FABP7: variants seen among roughly 807,000 people sequenced by gnomAD.
FABP7 encodes fatty acid-binding protein, brain.
A neutral mutation model predicts 14.2 loss-of-function variants in FABP7; 13 were observed. The observed-to-expected ratio is 0.91, with a 90% CI of 0.59 to 1.45. The LOEUF is 1.45. Among genes scored for constraint, FABP7 ranks in the 40% most tolerant of loss-of-function variants. The pLI, the probability that FABP7 is intolerant of heterozygous loss-of-function variation, is 0.00. For missense variants in FABP7, 149 were observed against 157.6 expected (o/e 0.95, Z 0.29); for synonymous variants, 49 against 51.4 (o/e 0.95, Z 0.20).
chr6:122,760,537 G>GTT, the FABP7 span, among the ~76,000 whole-genome samples: 14 of 146,012 alleles, frequency 9.6e-5, no homozygotes, highest in Non-Finnish European at 1.5e-4. Flanking sequence ...TCTGCTCTTT[G>GTT]TTTTTTTTTT....
upstream of FABP7, among the ~76,000 whole-genome samples, chr6:122,777,975 C>T (rs1382382645): frequency 6.6e-6 from 1 of 152,116 alleles, no homozygotes; most frequent in Non-Finnish European, 1.5e-5. Flanking sequence ...TGTAAGCCCT[C>T]AGCTTCAAGA....
chr6:122,783,171 C>T (rs1297523104), intron 3 of FABP7: 4 of 985,260 alleles, frequency 4.1e-6, no homozygotes, highest in Non-Finnish European at 4.8e-6. Flanking sequence ...AGCTGATGTT[C>T]CGCATCCTAT....
At chr6:122,759,740 C>T in the FABP7 span, among the ~76,000 whole-genome samples, 19 of 152,180 alleles carry the variant, frequency 1.2e-4, no homozygotes, top group African/African-American at 4.3e-4. Context: ...AGCATACATG[C>T]TCTAAATAAC....
chr6:122,772,598 C>T, the FABP7 span, among the ~76,000 whole-genome samples: 3 of 152,062 alleles, frequency 2.0e-5, no homozygotes, highest in African/African-American at 7.2e-5. Flanking sequence ...TTTGTACTTT[C>T]AGTAGAGAAG....
At chr6:122,776,415 G>A (rs1454605024), upstream of FABP7, among the ~76,000 whole-genome samples, 1 of 152,078 alleles carries the variant, frequency 6.6e-6, no homozygotes, top group South Asian at 2.1e-4. Context: ...AATAAGCCAT[G>A]CAGAGAAAGA....
At chr6:122,783,436 C>T (rs1290447573) in intron 3 of FABP7, 2 of 985,234 alleles carry the variant, frequency 2.0e-6, no homozygotes, top group African/African-American at 3.5e-5. Context: ...CCATTTCTCA[C>T]ACCTGATCTG....
the FABP7 span, among the ~76,000 whole-genome samples, chr6:122,770,218 T>A: frequency 1.3e-5 from 2 of 152,084 alleles, no homozygotes; most frequent in Non-Finnish European, 2.9e-5. Flanking sequence ...CCCATAAAAG[T>A]TAATGGAGAG....
chr6:122,758,130 A>T, the FABP7 span, among the ~76,000 whole-genome samples: 2 of 121,192 alleles, frequency 1.7e-5, no homozygotes, highest in South Asian at 4.8e-4. Flanking sequence ...TTTTTAATTA[A>T]CAGAGTCTTG....
chr6:122,775,955 A>G (rs1339899601), upstream of FABP7, among the ~76,000 whole-genome samples: 2 of 152,138 alleles, frequency 1.3e-5, no homozygotes, highest in Non-Finnish European at 2.9e-5. Flanking sequence ...ACTCAACACC[A>G]CTAATTATTA....
chr6:122,762,718 A>G, the FABP7 span, among the ~76,000 whole-genome samples: 1 of 152,242 alleles, frequency 6.6e-6, no homozygotes, highest in African/African-American at 2.4e-5. Flanking sequence ...TCAATGTGCA[A>G]AAATCACAAG....
intron 3 of FABP7, chr6:122,783,025 G>A: frequency 2.0e-6 from 2 of 985,342 alleles, no homozygotes; most frequent in Non-Finnish European, 2.4e-6. Flanking sequence ...GAAGACTAAA[G>A]CAATAGACTA....
chr6:122,773,615 G>C, the FABP7 span, among the ~76,000 whole-genome samples: 5 of 152,138 alleles, frequency 3.3e-5, no homozygotes, highest in East Asian at 9.7e-4. Context: ...TTTATTCTTT[G>C]TAATTTGGTA....
At chr6:122,779,290 A>AG (rs561104786), upstream of FABP7, among the ~76,000 whole-genome samples, 713 of 152,276 alleles carry the variant, frequency 4.7e-3, 3 homozygotes, top group Non-Finnish European at 8.1e-3. Context: ...GTTTTCTTTA[A>AG]GGGGGGTCCT....
At chr6:122,767,248 A>T in the FABP7 span, among the ~76,000 whole-genome samples, 3 of 152,120 alleles carry the variant, frequency 2.0e-5, no homozygotes, top group Non-Finnish European at 2.9e-5. Context: ...TAATAAAATG[A>T]TAGTACCATA....
chr6:122,757,314 C>G, the FABP7 span, among the ~76,000 whole-genome samples: 1 of 152,094 alleles, frequency 6.6e-6, no homozygotes, highest in Non-Finnish European at 1.5e-5. Context: ...GTCTTGTACT[C>G]TTTCTTGACA....
the FABP7 span, among the ~76,000 whole-genome samples, chr6:122,766,477 A>G: frequency 6.6e-6 from 1 of 152,110 alleles, no homozygotes; most frequent in Admixed American, 6.6e-5. Flanking sequence ...CAGACCTAGC[A>G]TCCCACATCC....
At position 122,783,845 on chromosome 6, in the gene FABP7, A is replaced by T; in HGVS notation, c.*78A>T. 1.8e-6 allele frequency: 2 copies of T among 1,119,904 alleles called. No individual in the cohort carries two copies. Among genetic ancestry groups the T allele is most frequent in the Non-Finnish European group, 2.6e-6 (2 of 766,950 alleles). The allele number at this position is 1,119,904 out of a possible 1,614,324, so 69.4% of individuals were successfully genotyped here. ...AGTCTCAGTGCTATCCTATTACAAC[A>T]TGGCTGATCATTAATTAGAAGGTTA... On this transcript the variant is annotated 3_prime_UTR_variant, in exon 4 of 4. Transcript: ENST00000368444.
chr6:122,764,508 G>A, the FABP7 span, among the ~76,000 whole-genome samples: 1 of 151,954 alleles, frequency 6.6e-6, no homozygotes, highest in South Asian at 2.1e-4. Context: ...TGTGCATTTT[G>A]CACATGTACC....
At chr6:122,753,780 T>TC in the FABP7 span, among the ~76,000 whole-genome samples, 1,915 of 44,728 alleles carry the variant, frequency 0.043, 8 homozygotes, top group Non-Finnish European at 0.062. Context: ...TGGGTCCAAA[T>TC]CCCGCCCCCC....
Sources: gnomAD v4.1 joint callset for allele counts (sites outside exome capture counted in the v4.1 genomes callset) on GRCh38, gnomAD v4.1.1 for gene constraint, MANE v1.5 for transcripts, NCBI Gene and HGNC (gene_info 2026-07-23, HGNC 2026-07-21) for gene names.